Variants in PPARGC1B observed in about 807,000 individuals in gnomAD.
PPARGC1B encodes peroxisome proliferator-activated receptor gamma coactivator 1-beta.
Under a neutral mutation model 101.6 loss-of-function variants are expected in PPARGC1B, and 34 were observed. The observed-to-expected ratio is 0.33, with a 90% CI of 0.25 to 0.45. PPARGC1B has a LOEUF of 0.45. PPARGC1B is among the 20% of genes least tolerant of loss of function. PPARGC1B has a pLI of 1.00. For synonymous variants in PPARGC1B, 548 were observed against 539.3 expected (o/e 1.02, Z -0.22); for missense variants, 1,234 against 1,317.6 (o/e 0.94, Z 0.98).
At chr5:149,763,193 T>C (rs1755778926) in intron 1 of PPARGC1B, among the ~76,000 whole-genome samples, 1 of 152,194 alleles carries the variant, frequency 6.6e-6, no homozygotes, top group Non-Finnish European at 1.5e-5. Context: ...CCTCCGGCCT[T>C]TGGCCCTGGT....
intron 1 of PPARGC1B, among the ~76,000 whole-genome samples, chr5:149,800,392 A>G (rs929202826): frequency 3.3e-5 from 5 of 152,218 alleles, no homozygotes; most frequent in Non-Finnish European, 5.9e-5. Flanking sequence ...GAGATGAGAA[A>G]AACTACAGTG....
chr5:149,835,893 T>TG (rs1266512978), intron 7 of PPARGC1B, among the ~76,000 whole-genome samples: 2 of 151,576 alleles, frequency 1.3e-5, no homozygotes, highest in African/African-American at 4.8e-5. Context: ...TGCCATCCAC[T>TG]GGGTTGGGGG....
chr5:149,757,572 G>T (rs1581019310), intron 1 of PPARGC1B, among the ~76,000 whole-genome samples: 1 of 152,210 alleles, frequency 6.6e-6, no homozygotes, highest in South Asian at 2.1e-4. Flanking sequence ...CTGTCCTGAC[G>T]GATGAGGGCT....
intron 8 of PPARGC1B, among the ~76,000 whole-genome samples, chr5:149,838,903 C>A (rs1193509302): frequency 6.6e-6 from 1 of 152,242 alleles, no homozygotes. Flanking sequence ...GTTAACAACA[C>A]AAATCTTGAA....
intron 1 of PPARGC1B, among the ~76,000 whole-genome samples, chr5:149,811,389 T>G (rs1358534026): frequency 6.6e-6 from 1 of 152,252 alleles, no homozygotes; most frequent in East Asian, 1.9e-4. Flanking sequence ...CAGCTCAACT[T>G]TATTGAATCC....
At chr5:149,806,953 AC>A (rs1368530010) in intron 1 of PPARGC1B, among the ~76,000 whole-genome samples, 1 of 147,790 alleles carries the variant, frequency 6.8e-6, no homozygotes, top group Non-Finnish European at 1.5e-5. Context: ...CATAAAATTT[AC>A]CCTTTTTTTT....
chr5:149,783,776 T>C (rs936780024), intron 1 of PPARGC1B, among the ~76,000 whole-genome samples: 16 of 152,148 alleles, frequency 1.1e-4, no homozygotes, highest in African/African-American at 3.9e-4. Flanking sequence ...GTTATTCCTG[T>C]TGTTCTTGTT....
intron 1 of PPARGC1B, among the ~76,000 whole-genome samples, chr5:149,778,669 C>T (rs1399796289): frequency 1.3e-5 from 2 of 152,180 alleles, no homozygotes; most frequent in African/African-American, 4.8e-5. Context: ...TAGAGCAAGG[C>T]TCACCCCTCC....
chr5:149,784,833 C>T (rs1233998838), intron 1 of PPARGC1B, among the ~76,000 whole-genome samples: 2 of 152,106 alleles, frequency 1.3e-5, no homozygotes, highest in East Asian at 3.9e-4. Flanking sequence ...TCCCAAAGTG[C>T]TGGGATTACA....
intron 1 of PPARGC1B, among the ~76,000 whole-genome samples, chr5:149,788,679 A>G (rs1239773443): frequency 1.3e-5 from 2 of 152,212 alleles, no homozygotes; most frequent in Non-Finnish European, 2.9e-5. Context: ...ACCAACCCAC[A>G]TGTCCGTCAA....
At chr5:149,766,915 G>C (rs768171930) in intron 1 of PPARGC1B, among the ~76,000 whole-genome samples, 1 of 152,218 alleles carries the variant, frequency 6.6e-6, no homozygotes, top group Non-Finnish European at 1.5e-5. Flanking sequence ...TCTGGAACCA[G>C]CCCAGAGGGG....
At chr5:149,790,243 A>C (rs1756966778) in intron 1 of PPARGC1B, among the ~76,000 whole-genome samples, 1 of 152,194 alleles carries the variant, frequency 6.6e-6, no homozygotes, top group Admixed American at 6.5e-5. Context: ...AATGATAGGC[A>C]CAGGCTGCCC....
intron 1 of PPARGC1B, among the ~76,000 whole-genome samples, chr5:149,808,708 G>A (rs1757689910): frequency 1.3e-5 from 2 of 152,154 alleles, no homozygotes; most frequent in South Asian, 4.1e-4. Context: ...TTTTGTACAC[G>A]GTCCTATACC....
At chr5:149,748,286 GAGATATAGATATAGATAT>G (rs56098088) in intron 1 of PPARGC1B, among the ~76,000 whole-genome samples, 3 of 148,338 alleles carry the variant, frequency 2.0e-5, no homozygotes, top group Admixed American at 6.7e-5. Context: ...ATGGGGTGAA[GAGATATAGATATAGATAT>G]AGATATAGAT....
In PPARGC1B at chr5:149,833,670, G is replaced by C. The variant is rs746851956; in HGVS notation, c.1597G>C (p.Asp533His). 3.1e-6 allele frequency: 5 copies of C among 1,610,088 alleles called. No homozygotes were observed. In the East Asian group the frequency reaches 1.1e-4, roughly 36 times the overall value. Residue 533 changes from aspartate to histidine, a missense_variant, in exon 5 of 12, where the codon GAC becomes CAC. Physicochemically the swap from Asp to His is moderately conservative, Grantham distance 81 (BLOSUM62 -1). This residue lies in a region of PPARGC1B where 734 missense variants were observed against 768.4 expected (regional missense o/e 0.96). Coordinates refer to ENST00000309241, the MANE Select transcript of PPARGC1B (RefSeq NM_133263.4). The surrounding 1 kb of genome is among the most constrained non-coding windows in gnomAD (Gnocchi z 4.1). ...CCCCACGGACGAGGACAGTGGCCAAGACCAGCAGCTCCTACGGGGACCCCA... is the reference window on the plus strand; with the variant it reads ...CCCCACGGACGAGGACAGTGGCCAACACCAGCAGCTCCTACGGGGACCCCA... ...GSPTDEDSGQ[D>H]QQLLRGPQIP...
rs1758759052 is a variant in PPARGC1B at position 149,830,902 on chromosome 5, C to G, written c.582+19C>G. On this transcript the variant is annotated intron_variant, in intron 4 of 11. Coordinates refer to ENST00000309241, the MANE Select transcript of PPARGC1B (RefSeq NM_133263.4). The stretch of plus-strand genomic sequence containing the variant: ...TGTTAAGGTATTTCTTCACATGCCC[C>G]CAAATCTACCCCAGGTGTCTGTTGG... The G allele has an allele frequency of 1.3e-6, 2 of 1,531,804 alleles. No individual in the cohort carries two copies. Among genetic ancestry groups the G allele is most frequent in the East Asian group, 2.2e-5 (1 of 44,524 alleles). The allele number at this position is 1,531,804 out of a possible 1,614,324, so 94.9% of individuals were successfully genotyped here.
In PPARGC1B at chr5:149,840,196, T is replaced by C; in HGVS notation, c.2694+80T>C. 4 of 1,381,156 alleles carry C rather than the reference T, an allele frequency of 2.9e-6. No homozygotes were observed. In the South Asian group the frequency reaches 5.5e-5, roughly 19 times the overall value. The allele number at this position is 1,381,156 out of a possible 1,614,324, so 85.6% of individuals were successfully genotyped here. On this transcript the variant is annotated intron_variant, in intron 9 of 11. Coordinates refer to ENST00000309241, the MANE Select transcript of PPARGC1B (RefSeq NM_133263.4). ...GTGGGGGCTTCATGGACCAAAGCCT[T>C]TTGAGGCTGGCTGGTGAGCCCCTCA...
Position 149,833,726 on chromosome 5 carries a change from T to G in PPARGC1B, c.1653T>G (p.Ser551Arg). 6.3e-7 allele frequency: 1 copy of G among 1,595,434 alleles called. No individual in the cohort carries two copies. The highest frequency in any genetic ancestry group is 8.5e-7 in the Non-Finnish European group (1 of 1,173,832). Residue 551 changes from serine (S) to arginine (R), a missense_variant, in exon 5 of 12, where the codon AGT (serine) becomes AGG (arginine). Transcript: ENST00000309241. This position sits in a 1 kb window ranked among gnomAD's most constrained non-coding sequence, Gnocchi z 4.1. The part of the protein sequence containing the change: ...QIPALESPCE[S>R]GCGDMDEDPS... ...CTGCCCTGGAGAGCCCCTGTGAGAG[T>G]GGGTGTGGGGACATGGATGAGGACC...
At chr5:149,732,044 GGGTGT>G (rs1303241242) in intron 1 of PPARGC1B, among the ~76,000 whole-genome samples, 8 of 69,172 alleles carry the variant, frequency 1.2e-4, no homozygotes, top group Non-Finnish European at 2.3e-4. Flanking sequence ...TTGCGCGCGC[GGGTGT>G]GTGTGTGTGT....
Sources: allele counts gnomAD v4.1 joint callset (sites outside exome capture counted in the v4.1 genomes callset), GRCh38; gene constraint gnomAD v4.1.1; regional missense constraint gnomAD v4.1.1; non-coding constraint Gnocchi (gnomAD v3.1); transcripts MANE v1.5; gene names NCBI Gene and HGNC (gene_info 2026-07-23, HGNC 2026-07-21).